Variants in MACROD1 observed in about 807,000 individuals in gnomAD.
The protein encoded by MACROD1 is ADP-ribose glycohydrolase MACROD1.
MACROD1 carries 31 observed loss-of-function variants against 41.4 expected under a neutral mutation model. That is an observed-to-expected ratio of 0.75 (90% confidence interval 0.56 to 1.01). The LOEUF is 1.01. Ranked by LOEUF, MACROD1 falls within the 50% of genes least tolerant of loss-of-function variation. The pLI is 0.00. For synonymous variants in MACROD1, 252 were observed against 203.4 expected (o/e 1.24, Z -2.03); for missense variants, 473 against 460.0 (o/e 1.03, Z -0.26).
intron 3 of MACROD1, among the ~76,000 whole-genome samples, chr11:64,033,863 A>AT (rs1943325483): frequency 1.3e-5 from 2 of 152,052 alleles, no homozygotes; most frequent in South Asian, 4.2e-4. Context: ...TATTATTTTT[A>AT]TTTTTTTGTA....
intron 3 of MACROD1, among the ~76,000 whole-genome samples, chr11:64,097,278 C>T (rs539789629): frequency 1.5e-3 from 225 of 152,326 alleles, no homozygotes; most frequent in Non-Finnish European, 2.2e-3. Context: ...CTACGGTCTG[C>T]GCCCAATTTG....
intron 3 of MACROD1, among the ~76,000 whole-genome samples, chr11:64,078,637 G>A (rs1944247612): frequency 6.6e-6 from 1 of 152,178 alleles, no homozygotes; most frequent in Admixed American, 6.5e-5. Context: ...GGTGATCATG[G>A]CTCCTGCATC....
chr11:64,050,331 T>C (rs1365393660), intron 3 of MACROD1, among the ~76,000 whole-genome samples: 4 of 152,126 alleles, frequency 2.6e-5, no homozygotes, highest in Non-Finnish European at 5.9e-5. Context: ...AGTTTAGTGC[T>C]CTTCCCACTG....
intron 3 of MACROD1, among the ~76,000 whole-genome samples, chr11:64,072,255 A>T (rs146946781): frequency 3.7e-4 from 56 of 152,110 alleles, no homozygotes; most frequent in Middle Eastern, 3.4e-3. Flanking sequence ...CAACCCACAG[A>T]TGGGTACAGG....
chr11:64,003,291 C>T (rs1942857583), intron 4 of MACROD1, among the ~76,000 whole-genome samples: 1 of 152,220 alleles, frequency 6.6e-6, no homozygotes, highest in Admixed American at 6.5e-5. Context: ...AATCTTGGCT[C>T]ACTGCAACCT....
chr11:64,094,747 T>C (rs928366607), intron 3 of MACROD1, among the ~76,000 whole-genome samples: 83 of 152,348 alleles, frequency 5.4e-4, no homozygotes, highest in Non-Finnish European at 1.0e-3. Flanking sequence ...CTGACCCCTA[T>C]CTACCAGGAT....
At chr11:64,039,961 T>C (rs980210462) in intron 3 of MACROD1, among the ~76,000 whole-genome samples, 2 of 152,232 alleles carry the variant, frequency 1.3e-5, no homozygotes, top group African/African-American at 4.8e-5. Flanking sequence ...CCAGTGCTCC[T>C]CTGGCACGCC....
intron 3 of MACROD1, among the ~76,000 whole-genome samples, chr11:64,041,333 T>C (rs1447116188): frequency 6.6e-6 from 1 of 150,842 alleles, no homozygotes; most frequent in African/African-American, 2.4e-5. Flanking sequence ...CCATTCCTGC[T>C]GCCCCCCACC....
chr11:64,139,260 T>C (rs1945375576), intron 3 of MACROD1, among the ~76,000 whole-genome samples: 1 of 152,136 alleles, frequency 6.6e-6, no homozygotes, highest in Non-Finnish European at 1.5e-5. Flanking sequence ...CCGTCCTCCC[T>C]GGCTTCCATC....
At chr11:64,050,238 CCCA>C (rs1321890479) in intron 3 of MACROD1, among the ~76,000 whole-genome samples, 1 of 152,148 alleles carries the variant, frequency 6.6e-6, no homozygotes, top group African/African-American at 2.4e-5. Context: ...ATGACCCATC[CCCA>C]CAAGAGGAGG....
At chr11:64,151,137 G>T in intron 3 of MACROD1, 102 bp downstream of exon 3, 1 of 970,830 alleles carries the variant, frequency 1.0e-6, no homozygotes, top group Non-Finnish European at 1.6e-6. Flanking sequence ...AGCAACCCGA[G>T]CCTCACTGGA....
At chr11:64,139,728 G>T (rs575590973) in intron 3 of MACROD1, among the ~76,000 whole-genome samples, 3 of 151,672 alleles carry the variant, frequency 2.0e-5, no homozygotes, top group African/African-American at 2.4e-5. Context: ...AGGTGGAGGC[G>T]GGCGGATCAC....
At chr11:64,004,005 T>C (rs1555005310) in intron 4 of MACROD1, among the ~76,000 whole-genome samples, 1 of 152,180 alleles carries the variant, frequency 6.6e-6, no homozygotes. Context: ...CTCAGGCCGC[T>C]CCTCAAATGC....
intron 1 of MACROD1, among the ~76,000 whole-genome samples, chr11:64,164,081 G>A (rs137997199): frequency 0.015 from 2,337 of 152,332 alleles, 34 homozygotes; most frequent in South Asian, 0.088. Flanking sequence ...CCTTGTCTCA[G>A]CTGCTAGAAC....
intron 3 of MACROD1, among the ~76,000 whole-genome samples, chr11:64,133,546 C>T (rs1590954300): frequency 6.6e-6 from 1 of 152,274 alleles, no homozygotes; most frequent in South Asian, 2.1e-4. Context: ...CCCTGTGCTC[C>T]GGAAGCACTG....
chr11:64,126,105 G>A (rs945673989), intron 3 of MACROD1, among the ~76,000 whole-genome samples: 2 of 152,146 alleles, frequency 1.3e-5, no homozygotes, highest in South Asian at 2.1e-4. Context: ...TTCTGAGTAC[G>A]CAGGTGAGAA....
At chr11:64,004,883 CAAAGA>C (rs1942884476) in intron 4 of MACROD1, among the ~76,000 whole-genome samples, 1 of 151,570 alleles carries the variant, frequency 6.6e-6, no homozygotes, top group East Asian at 1.9e-4. Context: ...GACCCCATCT[CAAAGA>C]AAAGAAAAAA....
chr11:64,065,513 G>A (rs1415372972), intron 3 of MACROD1, among the ~76,000 whole-genome samples: 2 of 152,208 alleles, frequency 1.3e-5, no homozygotes, highest in Non-Finnish European at 2.9e-5. Context: ...CAAGGGGCCA[G>A]GCGCGGTGGC....
chr11:64,079,323 G>A (rs973556407), intron 3 of MACROD1, among the ~76,000 whole-genome samples: 2 of 151,986 alleles, frequency 1.3e-5, no homozygotes, highest in Admixed American at 1.3e-4. Context: ...AGACAGACAG[G>A]GGTCTGCCCT....
Sources: allele counts gnomAD v4.1 joint callset (sites outside exome capture counted in the v4.1 genomes callset), GRCh38; gene constraint gnomAD v4.1.1; transcripts MANE v1.5; gene names NCBI Gene and HGNC (gene_info 2026-07-23, HGNC 2026-07-21).